HEATR6: variants seen among roughly 807,000 people sequenced by gnomAD.
HEATR6 encodes the protein HEAT repeat-containing protein 6.
HEATR6 carries 106 observed loss-of-function variants against 132.8 expected under a neutral mutation model. The ratio of observed to expected loss-of-function variants is 0.80; its 90% CI spans 0.68 to 0.94. The LOEUF is 0.94. Among genes scored for constraint, HEATR6 ranks in the 40% least tolerant of loss-of-function variants. The pLI, the probability that HEATR6 is intolerant of heterozygous loss-of-function variation, is 0.00. For synonymous variants in HEATR6, 529 were observed against 537.8 expected, an observed-to-expected ratio of 0.98 and a Z score of 0.23; for missense variants, 1,339 against 1,425.1, an observed-to-expected ratio of 0.94 and a Z score of 0.97.
chr17:60,044,739 G>C (rs1345775925), intron 19 of HEATR6, among the ~76,000 whole-genome samples: 1 of 152,208 alleles, frequency 6.6e-6, no homozygotes, highest in Admixed American at 6.5e-5. Flanking sequence ...ACTTTGGGGT[G>C]TCCTTACTCA....
rs1210508283 is a variant in HEATR6 at position 60,073,296 on chromosome 17, T to C, written c.469-17A>G. The C allele has an allele frequency of 7.4e-7, 1 of 1,348,404 alleles. No individual in the cohort carries two copies. Among genetic ancestry groups the C allele is most frequent in the Admixed American group, 1.7e-5 (1 of 57,628 alleles). 83.5% of individuals were successfully genotyped at this position (1,348,404 alleles called of 1,614,324 possible). On this transcript the variant is annotated splice_polypyrimidine_tract_variant and intron_variant, in intron 3 of 19. Coordinates refer to ENST00000184956, the MANE Select transcript of HEATR6 (RefSeq NM_022070.5). ...TGGGAGGTACTAAGAAAAATAAGAGTCAATGTAGGTCAAAGAAAAGCTTCT... is the reference window on the plus strand; with the variant it reads ...TGGGAGGTACTAAGAAAAATAAGAGCCAATGTAGGTCAAAGAAAAGCTTCT...
At chr17:60,073,141 G>T (rs1374738233) in intron 4 of HEATR6, 23 bp downstream of exon 4, 2 of 1,410,700 alleles carry the variant, frequency 1.4e-6, no homozygotes, top group Non-Finnish European at 2.0e-6. Flanking sequence ...TTACCATTGA[G>T]AAACTTGACT....
At chr17:60,072,569 A>G (rs903945816) in intron 4 of HEATR6, among the ~76,000 whole-genome samples, 2 of 152,224 alleles carry the variant, frequency 1.3e-5, no homozygotes, top group African/African-American at 4.8e-5. Context: ...AGTTTGTGGT[A>G]GAAGAACTAT....
chr17:60,053,804 G>A (rs1336600923), intron 14 of HEATR6, among the ~76,000 whole-genome samples: 2 of 152,158 alleles, frequency 1.3e-5, no homozygotes, highest in Non-Finnish European at 2.9e-5. Context: ...CAGGTGATGT[G>A]GCAGCTTCTC....
chr17:60,073,743 T>C lies in HEATR6; in HGVS notation c.468+3A>G. 6.2e-7 allele frequency: 1 copy of C among 1,613,448 alleles called. No homozygotes were observed. ...AAAGGAAGGATAAAGCACTTTAAACTACCTTTTGACATTTGGAGCCATTGC... is the reference window on the plus strand; with the variant it reads ...AAAGGAAGGATAAAGCACTTTAAACCACCTTTTGACATTTGGAGCCATTGC... On this transcript the variant is annotated splice_donor_region_variant and intron_variant, in intron 3 of 19. Transcript: ENST00000184956.
intron 9 of HEATR6, among the ~76,000 whole-genome samples, chr17:60,062,587 C>T (rs147448861): frequency 2.0e-5 from 3 of 152,304 alleles, no homozygotes; most frequent in African/African-American, 7.2e-5. Flanking sequence ...AAAGAAGTCC[C>T]TGCTGGGAGT....
chr17:60,069,585 C>T, intron 7 of HEATR6, 126 bp downstream of exon 7: 1 of 854,894 alleles, frequency 1.2e-6, no homozygotes, highest in Non-Finnish European at 1.8e-6. Flanking sequence ...ACTATGCTAA[C>T]AACCCTAAAC....
At chr17:60,067,131 G>C (rs1228171954) in intron 8 of HEATR6, among the ~76,000 whole-genome samples, 1 of 150,982 alleles carries the variant, frequency 6.6e-6, no homozygotes, top group South Asian at 2.1e-4. Context: ...TTAGCCGGGC[G>C]TAGTGGCGGG....
chr17:60,069,396 C>T (rs1597955659), intron 7 of HEATR6, among the ~76,000 whole-genome samples: 1 of 152,184 alleles, frequency 6.6e-6, no homozygotes, highest in Non-Finnish European at 1.5e-5. Flanking sequence ...ATTTACTAGC[C>T]TAGTAGAGAA....
In HEATR6 at chr17:60,067,437, A is replaced by G. The variant is rs761174116; in HGVS notation, c.1235T>C (p.Met412Thr). The change falls in exon 8 of 20, where the codon ATG becomes ACG. Residue 412 changes from methionine to threonine, a missense_variant. Coordinates refer to ENST00000184956, the MANE Select transcript of HEATR6 (RefSeq NM_022070.5). ...SDAEGGMQSK[M>T]RSYQAKVRQG... ...AAATGTAACAAAATACTACTACCTC[A>G]TTTTACTCTGCATGCCTCCTTCAGC... is the stretch of plus-strand genomic sequence containing the variant. The G allele has an allele frequency of 3.5e-5, 54 of 1,532,416 alleles. 2 individuals carry two copies. In the South Asian group the frequency reaches 6.2e-4, roughly 18 times the overall value. The allele number at this position is 1,532,416 out of a possible 1,614,324, so 94.9% of individuals were successfully genotyped here.
intron 9 of HEATR6, among the ~76,000 whole-genome samples, chr17:60,065,436 C>T (rs2083235416): frequency 6.6e-6 from 1 of 152,188 alleles, no homozygotes; most frequent in Non-Finnish European, 1.5e-5. Context: ...TAAAACTCCT[C>T]TTTGTGGGTA....
chr17:60,056,604 T>A (rs1906751363), intron 12 of HEATR6, among the ~76,000 whole-genome samples: 1 of 152,172 alleles, frequency 6.6e-6, no homozygotes, highest in South Asian at 2.1e-4. Context: ...TCTCAGATCA[T>A]ATTTGTATAG....
intron 1 of HEATR6, among the ~76,000 whole-genome samples, chr17:60,077,925 G>A (rs1241702360): frequency 6.6e-6 from 1 of 152,234 alleles, no homozygotes; most frequent in Non-Finnish European, 1.5e-5. Context: ...GATCTGGGAT[G>A]AAGGAGGGAA....
chr17:60,054,359 G>T (rs1906676197), intron 14 of HEATR6, among the ~76,000 whole-genome samples: 1 of 152,238 alleles, frequency 6.6e-6, no homozygotes, highest in Admixed American at 6.5e-5. Context: ...CAGGGACAGA[G>T]CCCCCACTGA....
Position 60,043,354 on chromosome 17 carries a change from A to ATGT in HEATR6, c.*206_*208dup. 1.8e-6 allele frequency: 1 copy of ATGT among 558,604 alleles called. No individual in the cohort carries two copies. The highest frequency in any genetic ancestry group is 3.2e-6 in the Non-Finnish European group (1 of 315,206). The allele number at this position is 558,604 out of a possible 1,614,324, so 34.6% of individuals were successfully genotyped here. ...CTCGGCTCCTGGATGCACAGGTCAG[A>ATGT]TGTTCCAACAACCCTGACCATGGCC... is the stretch of plus-strand genomic sequence containing the variant. On this transcript the variant is annotated 3_prime_UTR_variant, in exon 20 of 20. Coordinates refer to ENST00000184956, the MANE Select transcript of HEATR6 (RefSeq NM_022070.5).
At chr17:60,069,889 C>T in intron 6 of HEATR6, 41 bp from the exon 7 acceptor site, 15 of 1,591,640 alleles carry the variant, frequency 9.4e-6, no homozygotes, top group Non-Finnish European at 1.3e-5. Flanking sequence ...CACACGAAAC[C>T]AAAAAAACCA....
At chr17:60,069,030 C>T (rs1313194775) in intron 7 of HEATR6, among the ~76,000 whole-genome samples, 1 of 152,190 alleles carries the variant, frequency 6.6e-6, no homozygotes, top group East Asian at 1.9e-4. Context: ...GAAATAATTT[C>T]TAATAAGAAG....
Position 60,059,936 on chromosome 17 carries a change from G to A in HEATR6, c.1577C>T (p.Ala526Val), listed in dbSNP as rs201953045. Residue 526 changes from alanine (A) to valine (V), a missense_variant, in exon 10 of 20, where the codon GCT (alanine) becomes GTT (valine). Ala to Val is a moderately conservative substitution (Grantham distance 64, BLOSUM62 0). Coordinates refer to ENST00000184956, the MANE Select transcript of HEATR6 (RefSeq NM_022070.5). ...IRELHRCLLL[A>V]LVAESSSQTV... ...CTGTGAGGATGACTCCGCCACCAAA[G>A]CTAACAAAAGACATCTGTGCAACTC... The A allele has an allele frequency of 1.2e-6, 2 of 1,613,808 alleles. No individual in the cohort carries two copies. The highest frequency in any genetic ancestry group is 2.2e-5 in the East Asian group (1 of 44,878).
intron 2 of HEATR6, chr17:60,075,868 A>G: frequency 4.6e-6 from 1 of 216,360 alleles, no homozygotes. Flanking sequence ...AGAAATTATA[A>G]GGTTGGGGGG....
Sources: gnomAD v4.1 joint callset for allele counts (sites outside exome capture counted in the v4.1 genomes callset) on GRCh38, gnomAD v4.1.1 for gene constraint, MANE v1.5 for transcripts, NCBI Gene and HGNC (gene_info 2026-07-23, HGNC 2026-07-21) for gene names.